Variants in KLC1 observed in about 807,000 individuals in gnomAD.
The protein encoded by KLC1 is kinesin light chain 1, also known as kinesin 2 60/70kDa.
Under a neutral mutation model 84.2 loss-of-function variants are expected in KLC1, and 30 were observed. The observed-to-expected ratio is 0.36, with a 90% confidence interval of 0.27 to 0.48. The LOEUF is 0.48. Among genes scored for constraint, KLC1 ranks in the 20% least tolerant of loss-of-function variants. The probability of loss-of-function intolerance (pLI) is 0.99; values close to 1 mark genes in which losing one functional copy is unlikely to be tolerated. For missense variants in KLC1, 499 were observed against 805.4 expected, an observed-to-expected ratio of 0.62 and a Z score of 4.60; for synonymous variants, 289 against 293.3, an observed-to-expected ratio of 0.99 and a Z score of 0.15.
rs974370328 is a variant in KLC1 at position 103,664,300 on chromosome 14, C to T, written c.797+1373C>T. Among the ~76,000 whole-genome samples, 6 of 151,976 alleles carry T rather than the reference C, an allele frequency of 3.9e-5. No individual in the cohort carries two copies. The East Asian group carries it at 7.7e-4, about 20-fold the overall frequency. ...CTGAGTAGCTGGGATTACAGGCATG[C>T]GCCACCATGCCTGGCTAACTTCTGT... is the stretch of plus-strand genomic sequence containing the variant. On this transcript the variant is annotated intron_variant, in intron 5 of 16. Coordinates refer to ENST00000334553, the MANE Select transcript of KLC1 (RefSeq NM_001394837.1).
chr14:103,655,494 G>T (rs2078764271), intron 2 of KLC1, among the ~76,000 whole-genome samples: 1 of 150,710 alleles, frequency 6.6e-6, no homozygotes, highest in Non-Finnish European at 1.5e-5. Context: ...TAGAGACAGG[G>T]TTTCTCCATG....
rs549761872 is a variant in KLC1 at position 103,647,033 on chromosome 14, G to A, written c.-1-7531G>A. Among the ~76,000 whole-genome samples, 8 of 152,066 alleles carry A rather than the reference G, an allele frequency of 5.3e-5. No homozygotes were observed. The South Asian group carries it at 1.7e-3, about 32-fold the overall frequency. On this transcript the variant is annotated intron_variant, in intron 1 of 16. Coordinates refer to ENST00000334553, the MANE Select transcript of KLC1 (RefSeq NM_001394837.1). ...GTCAGAGCTGAGTGGTAGAACTTTC[G>A]TTGTAGTCTGTATATTAGGTTTTAT...
intron 5 of KLC1, among the ~76,000 whole-genome samples, chr14:103,664,078 G>T (rs2079538095): frequency 1.3e-5 from 2 of 152,186 alleles, no homozygotes; most frequent in African/African-American, 4.8e-5. Context: ...TGACTATGCA[G>T]CAGGGTTTCG....
At chr14:103,673,249 C>CT in intron 8 of KLC1, 62 bp downstream of exon 8, 1 of 1,569,208 alleles carries the variant, frequency 6.4e-7, no homozygotes, top group South Asian at 1.2e-5. Context: ...AGTCCAAACA[C>CT]TTTCTCATTT....
chr14:103,629,958 T>C (rs2076547996), intron 1 of KLC1, among the ~76,000 whole-genome samples: 1 of 151,984 alleles, frequency 6.6e-6, no homozygotes, highest in African/African-American at 2.4e-5. Context: ...CCGGCGGGGC[T>C]GGCTTTGTCC....
At chr14:103,699,591 G>A (rs1289680720) in intron 15 of KLC1, 5 of 1,612,068 alleles carry the variant, frequency 3.1e-6, no homozygotes, top group East Asian at 2.2e-5. Context: ...GGGGACAGCT[G>A]TCATTGTCTA....
At position 103,682,011 on chromosome 14, in the gene KLC1, A is replaced by G. The variant is rs547527967; in HGVS notation, c.1650+2466A>G. ...CCACTGTAGCCACTTACTTGTGTGC[A>G]TCAAGATTTTTTTCAGTATTATGCA... On this transcript the variant is annotated intron_variant, in intron 13 of 16. Transcript: ENST00000334553. Among the ~76,000 whole-genome samples, 340 of 152,306 alleles carry G rather than the reference A, an allele frequency of 2.2e-3. 1 individual carries two copies. Among genetic ancestry groups the G allele is most frequent in the Admixed American group, 4.2e-3 (64 of 15,284 alleles).
At chr14:103,685,486 G>A (rs2081711954) in intron 13 of KLC1, 5 of 1,251,244 alleles carry the variant, frequency 4.0e-6, no homozygotes, top group Non-Finnish European at 5.2e-6. Context: ...ACTGGTAGAA[G>A]CAGGCAGAAG....
intron 5 of KLC1, 24 bp from the exon 6 acceptor site, chr14:103,669,487 C>T (rs1440481501): frequency 3.0e-6 from 4 of 1,347,212 alleles, no homozygotes; most frequent in Admixed American, 3.4e-5. Flanking sequence ...ATCTGAAACA[C>T]TTAATGTGTG....
intron 15 of KLC1, chr14:103,699,431 T>C (rs2082914187): frequency 1.2e-6 from 2 of 1,612,926 alleles, no homozygotes; most frequent in Non-Finnish European, 1.7e-6. Flanking sequence ...CCCCAGGGAC[T>C]GCAGATGCCT....
intron 3 of KLC1, among the ~76,000 whole-genome samples, chr14:103,660,498 A>T (rs2079187957): frequency 6.6e-6 from 1 of 151,098 alleles, no homozygotes; most frequent in South Asian, 2.1e-4. Flanking sequence ...AAAAAAAAAA[A>T]AAAAATTAAG....
At position 103,693,445 on chromosome 14, in the gene KLC1, A is replaced by C; in HGVS notation, c.1848+1020A>C. 1.4e-5 allele frequency: 21 copies of C among 1,505,282 alleles called. No homozygotes were observed. The highest frequency in any genetic ancestry group is 1.9e-5 in the Non-Finnish European group (21 of 1,129,372). The allele number at this position is 1,505,282 out of a possible 1,614,324, so 93.2% of individuals were successfully genotyped here. ...TGACCCCTGGGCCTCTCGAGTGCCA[A>C]CCTAGATTTAGCTGTGCAGCTGGTA... On this transcript the variant is annotated intron_variant, in intron 15 of 16. Coordinates refer to ENST00000334553, the MANE Select transcript of KLC1 (RefSeq NM_001394837.1). The surrounding 1 kb of genome is among the most constrained non-coding windows in gnomAD (Gnocchi z 5.1).
At chr14:103,638,361 C>T (rs2077206755) in intron 1 of KLC1, among the ~76,000 whole-genome samples, 1 of 152,182 alleles carries the variant, frequency 6.6e-6, no homozygotes, top group Admixed American at 6.6e-5. Context: ...TTTTCTACCA[C>T]ATTCTTTTTC....
intron 1 of KLC1, 61 bp downstream of exon 1, chr14:103,629,555 T>C: frequency 6.6e-6 from 1 of 152,634 alleles, no homozygotes; most frequent in Non-Finnish European, 1.5e-5. Flanking sequence ...CCCGTCCCTG[T>C]CCCGCTCCTC....
chr14:103,692,201 AGACATAG>A (rs995811227), intron 14 of KLC1, among the ~76,000 whole-genome samples, 151 bp from the exon 15 acceptor site: 1 of 152,218 alleles, frequency 6.6e-6, no homozygotes, highest in Non-Finnish European at 1.5e-5. Flanking sequence ...AAATAGAGTG[AGACATAG>A]GACTCCCCGG....
intron 13 of KLC1, chr14:103,683,389 G>GT (rs1382232425): frequency 6.6e-6 from 1 of 152,176 alleles, no homozygotes; most frequent in Non-Finnish European, 1.5e-5. Context: ...CGCCGTCACC[G>GT]TGAGTCTCAG....
chr14:103,637,082 C>T (rs911411129), intron 1 of KLC1, among the ~76,000 whole-genome samples: 11 of 151,534 alleles, frequency 7.3e-5, no homozygotes, highest in Non-Finnish European at 1.2e-4. Context: ...TGCTCTATTG[C>T]CCAGGCTGAC....
At chr14:103,667,784 A>G (rs1422480638) in intron 5 of KLC1, among the ~76,000 whole-genome samples, 1 of 152,272 alleles carries the variant, frequency 6.6e-6, no homozygotes, top group Admixed American at 6.5e-5. Flanking sequence ...TAGAAGCCTT[A>G]TTAACCTTTC....
At chr14:103,662,237 G>C in intron 4 of KLC1, 43 bp downstream of exon 4, 2 of 1,465,326 alleles carry the variant, frequency 1.4e-6, no homozygotes, top group Admixed American at 3.3e-5. Flanking sequence ...GTGCAGAAGA[G>C]AGGTGTTCCT....
Sources: gnomAD v4.1 joint callset for allele counts (sites outside exome capture counted in the v4.1 genomes callset) on GRCh38, gnomAD v4.1.1 for gene constraint, Gnocchi (gnomAD v3.1) non-coding constraint, MANE v1.5 for transcripts, NCBI Gene and HGNC (gene_info 2026-07-23, HGNC 2026-07-21) for gene names.